The following PPP4R3A variants were observed in gnomAD, a reference collection of about 807,000 sequenced individuals.
PPP4R3A encodes the protein serine/threonine-protein phosphatase 4 regulatory subunit 3A.
In PPP4R3A, 15 loss-of-function variants were observed where a neutral mutation model predicts 91.7. The ratio of observed to expected loss-of-function variants is 0.16; its 90% CI spans 0.11 to 0.25. PPP4R3A has a LOEUF of 0.25. PPP4R3A is among the 10% of genes least tolerant of loss of function. PPP4R3A has a pLI of 1.00. For synonymous variants in PPP4R3A, 377 were observed against 348.7 expected, an observed-to-expected ratio of 1.08 and a Z score of -0.91; for missense variants, 623 against 998.4, an observed-to-expected ratio of 0.62 and a Z score of 5.07.
At chr14:91,502,281 C>G (rs537393260) in intron 1 of PPP4R3A, among the ~76,000 whole-genome samples, 12 of 152,160 alleles carry the variant, frequency 7.9e-5, no homozygotes, top group African/African-American at 2.9e-4. Context: ...AATAAATCAG[C>G]TGGGCCTGGT....
At chr14:91,471,058 A>G (rs767326568) in intron 9 of PPP4R3A, 63 bp from the exon 10 acceptor site, 6 of 1,468,114 alleles carry the variant, frequency 4.1e-6, no homozygotes, top group South Asian at 1.4e-5. Context: ...CTAAAATGTA[A>G]GAACTCAAAT....
intron 12 of PPP4R3A, 142 bp from the exon 13 acceptor site, chr14:91,462,381 G>C: frequency 3.3e-6 from 3 of 898,834 alleles, no homozygotes; most frequent in Non-Finnish European, 3.1e-6. Context: ...CAGGTATTTA[G>C]ATTAATGTAC....
intron 10 of PPP4R3A, 91 bp downstream of exon 10, chr14:91,470,746 C>T (rs1323660136): frequency 1.4e-6 from 2 of 1,435,276 alleles, no homozygotes; most frequent in Non-Finnish European, 1.9e-6. Context: ...ATCTCCTGAC[C>T]TGTAATCAGT....
chr14:91,478,507 G>A lies in PPP4R3A; in HGVS notation c.916-1521C>T, dbSNP rs1238208223. 2.6e-5 allele frequency among the ~76,000 whole-genome samples: 4 copies of A among 152,228 alleles called. No homozygotes were observed. In the South Asian group the frequency reaches 8.3e-4, roughly 32 times the overall value. ...TCACAGCAGCACTTTGGATAGAAGT[G>A]TCCAGCATCAAGAGAAACAGACATA... On this transcript the variant is annotated intron_variant, in intron 4 of 14. Transcript: ENST00000554943.
At chr14:91,479,267 C>T (rs1220871323) in intron 4 of PPP4R3A, among the ~76,000 whole-genome samples, 1 of 151,032 alleles carries the variant, frequency 6.6e-6, no homozygotes, top group Non-Finnish European at 1.5e-5. Flanking sequence ...CTTACAATAC[C>T]ACAGGCATCA....
In PPP4R3A at chr14:91,458,543, G is replaced by C; in HGVS notation, c.*216C>G. ...AAAAGGGCAATGTGTGGTCCAAGCTGGAGAGCTCAAAGGCTTAAGTCTTTC... is the reference window on the plus strand; with the variant it reads ...AAAAGGGCAATGTGTGGTCCAAGCTCGAGAGCTCAAAGGCTTAAGTCTTTC... On this transcript the variant is annotated 3_prime_UTR_variant, in exon 15 of 15. Coordinates refer to ENST00000554943, the MANE Select transcript of PPP4R3A (RefSeq NM_001366432.2). 1.5e-6 allele frequency: 1 copy of C among 677,538 alleles called. No homozygotes were observed. Among genetic ancestry groups the C allele is most frequent in the Admixed American group, 2.2e-5 (1 of 44,718 alleles). 42.0% of individuals were successfully genotyped at this position (677,538 alleles called of 1,614,324 possible).
chr14:91,506,795 C>A (rs77819506), intron 1 of PPP4R3A, among the ~76,000 whole-genome samples: 2,850 of 152,272 alleles, frequency 0.019, 60 homozygotes, highest in Admixed American at 0.063. Context: ...CACAATCCGT[C>A]GGCCTGGGCA....
Position 91,509,686 on chromosome 14 carries a change from G to A in PPP4R3A, c.-39C>T, listed in dbSNP as rs1223643806. 6 of 1,582,160 alleles carry A rather than the reference G, an allele frequency of 3.8e-6. No homozygotes were observed. The Admixed American group carries it at 6.8e-5, about 18-fold the overall frequency. On this transcript the variant is annotated 5_prime_UTR_variant, in exon 1 of 15. Coordinates refer to ENST00000554943, the MANE Select transcript of PPP4R3A (RefSeq NM_001366432.2). ...AACCGGGGCGGGGGCCCCGCCAGTA[G>A]ACGCCCAGGAAAGGGGCCCTGGAGA...
intron 1 of PPP4R3A, among the ~76,000 whole-genome samples, chr14:91,505,635 C>T (rs1891248946): frequency 6.6e-6 from 1 of 151,974 alleles, no homozygotes; most frequent in Non-Finnish European, 1.5e-5. Context: ...TTATTTTGTT[C>T]TAAAGAAATA....
rs187021549 is a variant in PPP4R3A, at chr14:91,501,471, T to C, written c.142+8035A>G. Reference sequence around the variant, plus strand: ...TGAGTTAATGCCAGCCTGGGCAACATAAGGTGACCCCATCTCTACAAAAAT... The same window carrying C: ...TGAGTTAATGCCAGCCTGGGCAACACAAGGTGACCCCATCTCTACAAAAAT... On this transcript the variant is annotated intron_variant, in intron 1 of 14. Coordinates refer to ENST00000554943, the MANE Select transcript of PPP4R3A (RefSeq NM_001366432.2). 2.3e-3 allele frequency among the ~76,000 whole-genome samples: 346 copies of C among 152,072 alleles called. 2 individuals are homozygous for C. Among genetic ancestry groups the C allele is most frequent in the Admixed American group, 1.3e-3 (20 of 15,260 alleles).
chr14:91,486,905 CAAAAAA>C (rs769201002), intron 2 of PPP4R3A, among the ~76,000 whole-genome samples: 2 of 86,902 alleles, frequency 2.3e-5, no homozygotes, highest in Non-Finnish European at 4.4e-5. Flanking sequence ...ACTCTGTCTC[CAAAAAA>C]AAAAAAAAAA....
intron 2 of PPP4R3A, among the ~76,000 whole-genome samples, chr14:91,489,052 T>C (rs555020051): frequency 6.6e-5 from 10 of 151,860 alleles, no homozygotes; most frequent in South Asian, 2.1e-4. Flanking sequence ...GGACTGCAGG[T>C]ACCCGCCACC....
chr14:91,488,300 T>C (rs1259812017), intron 2 of PPP4R3A, among the ~76,000 whole-genome samples: 1 of 152,248 alleles, frequency 6.6e-6, no homozygotes, highest in Non-Finnish European at 1.5e-5. Flanking sequence ...GTAGTCTCAC[T>C]GGACTAAAGT....
intron 1 of PPP4R3A, among the ~76,000 whole-genome samples, chr14:91,493,698 C>G (rs1289744382): frequency 6.7e-6 from 1 of 150,120 alleles, no homozygotes; most frequent in East Asian, 1.9e-4. Context: ...ATTTTAATTA[C>G]TAGAATAAAA....
intron 1 of PPP4R3A, among the ~76,000 whole-genome samples, chr14:91,492,244 T>C (rs1013592194): frequency 2.6e-5 from 4 of 152,210 alleles, no homozygotes; most frequent in Non-Finnish European, 4.4e-5. Context: ...AGACAAACTC[T>C]GGCCCAAAAT....
At position 91,462,486 on chromosome 14, in the gene PPP4R3A, C is replaced by T. The variant is rs74656676; in HGVS notation, c.1974-247G>A. Among the ~76,000 whole-genome samples the T allele has an allele frequency of 1.5e-4, 21 of 140,454 alleles. 1 individual carries two copies. The East Asian group carries it at 4.5e-3, about 30-fold the overall frequency. 92.1% of individuals were successfully genotyped at this position (140,454 alleles called of 152,430 possible). ...TTTATTTGGAACACATGAAGCCTCACTTCCACTGTTTGGTCTTTTTTTTTT... is the reference window on the plus strand; with the variant it reads ...TTTATTTGGAACACATGAAGCCTCATTTCCACTGTTTGGTCTTTTTTTTTT... On this transcript the variant is annotated intron_variant, in intron 12 of 14. Coordinates refer to ENST00000554943, the MANE Select transcript of PPP4R3A (RefSeq NM_001366432.2).
chr14:91,472,195 G>A (rs1289636899), intron 9 of PPP4R3A, among the ~76,000 whole-genome samples: 1 of 150,904 alleles, frequency 6.6e-6, no homozygotes, highest in Non-Finnish European at 1.5e-5. Context: ...GCACGCTAAA[G>A]CTCTAATGAA....
At position 91,457,696 on chromosome 14, in the gene PPP4R3A, G is replaced by A. The variant is rs909820828; in HGVS notation, c.*1063C>T. 3.3e-5 allele frequency: 5 copies of A among 152,550 alleles called. No individual in the cohort carries two copies. The highest frequency in any genetic ancestry group is 3.9e-4 in the East Asian group (2 of 5,184). The allele number at this position is 152,550 out of a possible 1,614,324, so 9.4% of individuals were successfully genotyped here. A position where few individuals can be genotyped will look rare whatever the true frequency, so the allele number is the denominator to read the frequency against. On this transcript the variant is annotated 3_prime_UTR_variant, in exon 15 of 15. Transcript: ENST00000554943. Reference sequence around the variant, plus strand: ...ATCCTCAATTTTGATTTAATGTACCGTCATTTCCCCAAGAAAAGAAATTTC... The same window carrying A: ...ATCCTCAATTTTGATTTAATGTACCATCATTTCCCCAAGAAAAGAAATTTC...
Position 91,461,973 on chromosome 14 carries a change from C to A in PPP4R3A, c.2164+76G>T, listed in dbSNP as rs1387422226. The A allele has an allele frequency of 7.8e-6, 11 of 1,416,144 alleles. 1 individual carries two copies. In the African/African-American group the frequency reaches 1.5e-4, roughly 19 times the overall value. 87.7% of individuals were successfully genotyped at this position (1,416,144 alleles called of 1,614,324 possible). A position where few individuals can be genotyped will look rare whatever the true frequency, so the allele number is the denominator to read the frequency against. On this transcript the variant is annotated intron_variant, in intron 13 of 14. Coordinates refer to ENST00000554943, the MANE Select transcript of PPP4R3A (RefSeq NM_001366432.2). ...CCATCACACCTTCCAAGCAAATAAT[C>A]ATTTTGTCAAGAAATAAGAATAAAT...
Sources: gnomAD v4.1 joint callset for allele counts (sites outside exome capture counted in the v4.1 genomes callset) on GRCh38, gnomAD v4.1.1 for gene constraint, MANE v1.5 for transcripts, NCBI Gene and HGNC (gene_info 2026-07-23, HGNC 2026-07-21) for gene names.